KDM4C: variants seen among roughly 807,000 people sequenced by gnomAD.
The protein encoded by KDM4C is lysine-specific demethylase 4C.
Under a neutral mutation model 129.3 loss-of-function variants are expected in KDM4C, and 81 were observed. The observed-to-expected ratio is 0.63, with a 90% CI of 0.52 to 0.75. The LOEUF is 0.75. Among genes scored for constraint, KDM4C ranks in the 30% least tolerant of loss-of-function variants. The probability of loss-of-function intolerance (pLI) is 0.00; values close to 1 mark genes in which losing one functional copy is unlikely to be tolerated. For synonymous variants in KDM4C, 573 were observed against 456.1 expected (o/e 1.26, Z -3.26); for missense variants, 1,457 against 1,304.0 (o/e 1.12, Z -1.81).
chr9:6,833,232 C>G (rs1328977568), intron 4 of KDM4C, among the ~76,000 whole-genome samples: 2 of 151,988 alleles, frequency 1.3e-5, no homozygotes, highest in Non-Finnish European at 2.9e-5. Flanking sequence ...ATTAATATTT[C>G]TATTTAGCCT....
intron 15 of KDM4C, among the ~76,000 whole-genome samples, chr9:7,019,907 T>C (rs1824476319): frequency 6.6e-6 from 1 of 151,696 alleles, no homozygotes; most frequent in Non-Finnish European, 1.5e-5. Flanking sequence ...GTGGAGGGTG[T>C]ACGCATGGCT....
At chr9:7,159,806 G>A (rs899777971) in intron 19 of KDM4C, among the ~76,000 whole-genome samples, 1 of 152,092 alleles carries the variant, frequency 6.6e-6, no homozygotes, top group Non-Finnish European at 1.5e-5. Context: ...CCAATTATGT[G>A]TCTTGGGGTT....
chr9:7,052,894 A>AGAGAGAGAGAGAGAGAGCGAGAGC (rs1339242817), intron 17 of KDM4C, among the ~76,000 whole-genome samples: 2 of 105,468 alleles, frequency 1.9e-5, no homozygotes, highest in African/African-American at 3.5e-5. Flanking sequence ...AGAGAGAGAG[A>AGAGAGAGAGAGAGAGAGCGAGAGC]GAGAGAGCGA....
At chr9:6,831,619 G>A (rs1258803835) in intron 4 of KDM4C, among the ~76,000 whole-genome samples, 2 of 152,132 alleles carry the variant, frequency 1.3e-5, no homozygotes, top group African/African-American at 2.4e-5. Flanking sequence ...TGGGATTACA[G>A]GTGTAAGCCA....
At chr9:7,162,222 ATAAG>A (rs1843875721) in intron 19 of KDM4C, among the ~76,000 whole-genome samples, 1 of 152,224 alleles carries the variant, frequency 6.6e-6, no homozygotes, top group African/African-American at 2.4e-5. Context: ...TTCTTCTTCT[ATAAG>A]TAAAGAAAAA....
At chr9:6,815,983 G>A (rs1001618035) in intron 4 of KDM4C, among the ~76,000 whole-genome samples, 1 of 152,100 alleles carries the variant, frequency 6.6e-6, no homozygotes. Flanking sequence ...TTAATGACAA[G>A]AGAGTTTAAC....
chr9:6,994,515 A>G (rs761525531), intron 12 of KDM4C, among the ~76,000 whole-genome samples: 12 of 152,122 alleles, frequency 7.9e-5, no homozygotes, highest in African/African-American at 1.9e-4. Context: ...CTGTCCGTGT[A>G]TCTGTCTCCC....
In KDM4C at chr9:6,988,945, G is replaced by T. The variant is rs1814048; in HGVS notation, c.1678-1471G>T. 0.018 allele frequency among the ~76,000 whole-genome samples: 2,669 copies of T among 152,174 alleles called. 179 individuals carry two copies. In the East Asian group the frequency reaches 0.19, roughly 11 times the overall value. On this transcript the variant is annotated intron_variant, in intron 11 of 21. Transcript: ENST00000381309. ...TCCTTCGTTACATATTTACCGAGTA[G>T]TATTTGATAAATACGACTTATTCAT...
At position 7,139,579 on chromosome 9, in the gene KDM4C, C is replaced by G. The variant is rs557337016; in HGVS notation, c.2781+11343C>G. Among the ~76,000 whole-genome samples, 130 of 152,292 alleles carry G rather than the reference C, an allele frequency of 8.5e-4. 2 individuals are homozygous for G. Among genetic ancestry groups the G allele is most frequent in the African/African-American group, 3.1e-3 (128 of 41,542 alleles). On this transcript the variant is annotated intron_variant, in intron 19 of 21. Coordinates refer to ENST00000381309, the MANE Select transcript of KDM4C (RefSeq NM_015061.6). ...TGTATATATATTGTAAAGACTGTCT[C>G]ATCACACTATAACCCTTAGACCAGG...
At chr9:6,796,968 A>T (rs1397309877) in intron 2 of KDM4C, among the ~76,000 whole-genome samples, 1 of 151,206 alleles carries the variant, frequency 6.6e-6, no homozygotes, top group Non-Finnish European at 1.5e-5. Context: ...CGAGCCACCC[A>T]TGATGTTCTT....
intron 5 of KDM4C, among the ~76,000 whole-genome samples, chr9:6,869,670 C>G (rs980270891): frequency 1.7e-4 from 26 of 152,214 alleles, no homozygotes; most frequent in East Asian, 3.9e-4. Context: ...CCTTTATACT[C>G]AAGCCTGGAC....
At chr9:6,774,974 C>T (rs1320572818) in intron 1 of KDM4C, among the ~76,000 whole-genome samples, 7 of 152,110 alleles carry the variant, frequency 4.6e-5, no homozygotes, top group African/African-American at 9.7e-5. Context: ...AATGGACTTA[C>T]GCTTTGGTTA....
intron 8 of KDM4C, among the ~76,000 whole-genome samples, chr9:6,911,978 G>C (rs577053756): frequency 6.6e-6 from 1 of 152,298 alleles, no homozygotes; most frequent in South Asian, 2.1e-4. Flanking sequence ...CAGTTTGTGA[G>C]GTTTGTGAGG....
chr9:7,042,672 A>C (rs981496282), intron 15 of KDM4C, among the ~76,000 whole-genome samples: 1 of 152,074 alleles, frequency 6.6e-6, no homozygotes. Context: ...TCTTCTTGTC[A>C]GTTGTGAACT....
chr9:7,068,810 C>A (rs1331398924), intron 17 of KDM4C, among the ~76,000 whole-genome samples: 1 of 151,076 alleles, frequency 6.6e-6, no homozygotes, highest in African/African-American at 2.4e-5. Flanking sequence ...AAGTCTCCTG[C>A]CTCAGCCTTC....
chr9:6,897,203 C>G (rs1032607077), intron 8 of KDM4C, among the ~76,000 whole-genome samples: 1 of 152,152 alleles, frequency 6.6e-6, no homozygotes, highest in African/African-American at 2.4e-5. Flanking sequence ...CTCAAACAGA[C>G]TTTTTTTGTG....
At chr9:6,769,008 A>G (rs751476087) in intron 1 of KDM4C, among the ~76,000 whole-genome samples, 1 of 151,988 alleles carries the variant, frequency 6.6e-6, no homozygotes, top group Non-Finnish European at 1.5e-5. Flanking sequence ...CCTGACCTCA[A>G]ATGATCCACC....
chr9:7,059,171 G>T (rs562629714), intron 17 of KDM4C, among the ~76,000 whole-genome samples: 1 of 152,106 alleles, frequency 6.6e-6, no homozygotes, highest in Non-Finnish European at 1.5e-5. Context: ...TGTTTTTGGA[G>T]CAGGGTCTTG....
chr9:6,922,271 T>C (rs911925102), intron 8 of KDM4C, among the ~76,000 whole-genome samples: 1 of 152,242 alleles, frequency 6.6e-6, no homozygotes. Flanking sequence ...ACACTGAACA[T>C]TTCTAATTTC....
Sources: gnomAD v4.1 joint callset for allele counts (sites outside exome capture counted in the v4.1 genomes callset) on GRCh38, gnomAD v4.1.1 for gene constraint, MANE v1.5 for transcripts, NCBI Gene and HGNC (gene_info 2026-07-23, HGNC 2026-07-21) for gene names.